Variants in PPP3CA observed in about 807,000 individuals in gnomAD.
PPP3CA encodes the protein CAM-PRP catalytic subunit.
PPP3CA carries 14 observed loss-of-function variants against 66.5 expected under a neutral mutation model. That is an observed-to-expected ratio of 0.21 (90% CI 0.14 to 0.33). The LOEUF is 0.33. Among genes scored for constraint, PPP3CA ranks in the 10% least tolerant of loss-of-function variants. The pLI, the probability that PPP3CA is intolerant of heterozygous loss-of-function variation, is 1.00. For missense variants in PPP3CA, 317 were observed against 639.5 expected (o/e 0.50, Z 5.44); for synonymous variants, 232 against 226.2 (o/e 1.03, Z -0.23).
intron 2 of PPP3CA, among the ~76,000 whole-genome samples, chr4:101,163,417 G>A (rs911737973): frequency 2.0e-5 from 3 of 152,108 alleles, no homozygotes; most frequent in African/African-American, 7.2e-5. Context: ...GATATGCATT[G>A]GCCCACAAGT....
At chr4:101,119,813 A>C (rs1410525532) in intron 2 of PPP3CA, among the ~76,000 whole-genome samples, 2 of 152,066 alleles carry the variant, frequency 1.3e-5, no homozygotes, top group Non-Finnish European at 1.5e-5. Context: ...GCTCCATCTA[A>C]TTTCCAGTAA....
intron 2 of PPP3CA, among the ~76,000 whole-genome samples, chr4:101,114,615 T>A (rs1449692516): frequency 6.6e-6 from 1 of 152,122 alleles, no homozygotes; most frequent in African/African-American, 2.4e-5. Flanking sequence ...TCTCTTTCTA[T>A]CAGAAAATAC....
chr4:101,308,989 T>C (rs1185108699), intron 1 of PPP3CA, among the ~76,000 whole-genome samples: 1 of 152,128 alleles, frequency 6.6e-6, no homozygotes, highest in Non-Finnish European at 1.5e-5. Flanking sequence ...TAGCCTGGCA[T>C]GGTGGTGTGC....
At chr4:101,069,747 G>A (rs1050236831) in intron 8 of PPP3CA, among the ~76,000 whole-genome samples, 1 of 152,028 alleles carries the variant, frequency 6.6e-6, no homozygotes, top group African/African-American at 2.4e-5. Context: ...AAGAAGACGA[G>A]GATGAAAACT....
chr4:101,286,243 C>T (rs1394817560), intron 1 of PPP3CA, among the ~76,000 whole-genome samples: 1 of 152,158 alleles, frequency 6.6e-6, no homozygotes, highest in African/African-American at 2.4e-5. Flanking sequence ...CTCCTGTGTG[C>T]CCAGGTTCCT....
At chr4:101,328,501 C>T (rs971055708) in intron 1 of PPP3CA, among the ~76,000 whole-genome samples, 1 of 152,136 alleles carries the variant, frequency 6.6e-6, no homozygotes, top group African/African-American at 2.4e-5. Flanking sequence ...GTGACGTCTC[C>T]TTGAAGTGGC....
intron 1 of PPP3CA, among the ~76,000 whole-genome samples, chr4:101,220,110 A>G (rs1725576708): frequency 6.6e-6 from 1 of 151,846 alleles, no homozygotes; most frequent in Admixed American, 6.6e-5. Flanking sequence ...AAACATATTT[A>G]ACTGCCACTT....
chr4:101,218,029 A>T (rs1432171223), intron 1 of PPP3CA, among the ~76,000 whole-genome samples: 1 of 152,122 alleles, frequency 6.6e-6, no homozygotes, highest in Non-Finnish European at 1.5e-5. Flanking sequence ...AAATAGTCTT[A>T]TTACTCATCT....
intron 2 of PPP3CA, among the ~76,000 whole-genome samples, chr4:101,129,787 G>A (rs1560617270): frequency 1.3e-5 from 2 of 152,100 alleles, no homozygotes; most frequent in Non-Finnish European, 2.9e-5. Flanking sequence ...ACGAAGATGA[G>A]GACAAACCAG....
At chr4:101,333,228 C>T (rs796829837) in intron 1 of PPP3CA, among the ~76,000 whole-genome samples, 89 of 146,154 alleles carry the variant, frequency 6.1e-4, no homozygotes, top group African/African-American at 2.2e-3. Context: ...CCTCAGCCTC[C>T]TGAGCAGCAG....
chr4:101,239,557 C>T (rs1307113923), intron 1 of PPP3CA, among the ~76,000 whole-genome samples: 1 of 151,970 alleles, frequency 6.6e-6, no homozygotes, highest in Non-Finnish European at 1.5e-5. Flanking sequence ...TCCACACACA[C>T]CCACACAAAA....
At chr4:101,249,034 C>CCTGTA (rs937412920) in intron 1 of PPP3CA, among the ~76,000 whole-genome samples, 4 of 151,656 alleles carry the variant, frequency 2.6e-5, no homozygotes, top group Admixed American at 2.6e-4. Context: ...GTGGCGGGCG[C>CCTGTA]CTGTAGTCCC....
intron 11 of PPP3CA, among the ~76,000 whole-genome samples, chr4:101,036,017 AC>A (rs1727229023): frequency 6.6e-6 from 1 of 152,208 alleles, no homozygotes; most frequent in African/African-American, 2.4e-5. Flanking sequence ...GCTGTTAACC[AC>A]CTGAGACATG....
At chr4:101,210,617 T>C (rs896032226) in intron 1 of PPP3CA, among the ~76,000 whole-genome samples, 1 of 152,138 alleles carries the variant, frequency 6.6e-6, no homozygotes, top group Non-Finnish European at 1.5e-5. Context: ...CCTATTCAAA[T>C]AGCACAACTT....
At chr4:101,306,839 T>G (rs920455679) in intron 1 of PPP3CA, among the ~76,000 whole-genome samples, 2 of 152,156 alleles carry the variant, frequency 1.3e-5, no homozygotes, top group Admixed American at 1.3e-4. Context: ...TTTTGTCTGT[T>G]TGTTTAGTTG....
At chr4:101,062,196 C>G (rs937559228) in intron 9 of PPP3CA, among the ~76,000 whole-genome samples, 2 of 152,054 alleles carry the variant, frequency 1.3e-5, no homozygotes, top group African/African-American at 4.8e-5. Context: ...GCGAAGCCAA[C>G]AGATGACACT....
intron 3 of PPP3CA, among the ~76,000 whole-genome samples, chr4:101,106,715 G>A (rs1730772201): frequency 6.6e-6 from 1 of 152,066 alleles, no homozygotes; most frequent in Admixed American, 6.6e-5. Context: ...CCTTAAACAA[G>A]AAGATATACC....
At chr4:101,296,481 T>G (rs1728203162) in intron 1 of PPP3CA, among the ~76,000 whole-genome samples, 2 of 152,162 alleles carry the variant, frequency 1.3e-5, no homozygotes, top group African/African-American at 4.8e-5. Flanking sequence ...GAACTACTTT[T>G]ATTCTACTAC....
intron 2 of PPP3CA, among the ~76,000 whole-genome samples, chr4:101,119,332 G>C (rs540175975): frequency 1.3e-5 from 2 of 152,048 alleles, no homozygotes; most frequent in South Asian, 2.1e-4. Flanking sequence ...CAGTCTTTCA[G>C]AGTGGCAGCA....
Sources: gnomAD v4.1 joint callset for allele counts (sites outside exome capture counted in the v4.1 genomes callset) on GRCh38, gnomAD v4.1.1 for gene constraint, MANE v1.5 for transcripts, NCBI Gene and HGNC (gene_info 2026-07-23, HGNC 2026-07-21) for gene names.